FANCG: variants seen among roughly 807,000 people sequenced by gnomAD.
FANCG encodes Fanconi anemia group G protein.
FANCG carries 67 observed loss-of-function variants against 73.3 expected under a neutral mutation model. That is an observed-to-expected ratio of 0.91 (90% confidence interval 0.75 to 1.12). FANCG has a LOEUF of 1.12. Ranked by LOEUF, FANCG falls within the 50% of genes most tolerant of loss-of-function variation. The pLI, the probability that FANCG is intolerant of heterozygous loss-of-function variation, is 0.00. For missense variants in FANCG, 643 were observed against 735.6 expected (o/e 0.87, Z 1.46); for synonymous variants, 297 against 311.6 (o/e 0.95, Z 0.49).
Position 35,075,611 on chromosome 9 carries a change from G to A in FANCG, c.1287C>T (p.Pro429=), listed in dbSNP as rs767253119. ...ELLSRTSSLL[P]KMSRLWEDAR... is the part of the protein sequence containing the mutation. ...CATCTTCCCACAGCCGGGACATCTT[G>A]GGTAGCAGAGATGATGTGCGGCTGA... The change falls in exon 10 of 14, where the codon CCC becomes CCT. Residue 429 remains proline, a synonymous_variant. Transcript: ENST00000378643. The A allele has an allele frequency of 1.2e-5, 19 of 1,613,946 alleles. No individual in the cohort carries two copies. Among genetic ancestry groups the A allele is most frequent in the Middle Eastern group, 1.6e-4 (1 of 6,084 alleles).
intron 1 of FANCG, 40 bp downstream of exon 1, chr9:35,079,401 T>A: frequency 6.2e-7 from 1 of 1,611,330 alleles, no homozygotes; most frequent in Non-Finnish European, 8.5e-7. Flanking sequence ...CTTTCAGGGA[T>A]CTTGAGGCTG....
rs1829097759 is a variant in FANCG at position 35,077,012 on chromosome 9, C to T, written c.736G>A (p.Val246Ile). ...GACCCCAGTGCTGTGTACACCTGGACCAACACAGGCCGTGGACACAGGCCT... is the reference window on the plus strand; with the variant it reads ...GACCCCAGTGCTGTGTACACCTGGATCAACACAGGCCGTGGACACAGGCCT... ...ASGLCPRPVL[V>I]QVYTALGSCH... The change falls in exon 6 of 14, where the codon GTC becomes ATC. Residue 246 changes from valine (V) to isoleucine (I), a missense_variant. Val to Ile is a conservative substitution (Grantham distance 29). Transcript: ENST00000378643. 1.2e-6 allele frequency: 2 copies of T among 1,614,126 alleles called. No homozygotes were observed. Among genetic ancestry groups the T allele is most frequent in the Admixed American group, 1.7e-5 (1 of 60,012 alleles).
intron 11 of FANCG, 90 bp downstream of exon 11, chr9:35,075,189 T>C: frequency 6.2e-7 from 1 of 1,603,428 alleles, no homozygotes; most frequent in East Asian, 2.2e-5. Context: ...TTCTCTTAAG[T>C]CTCCTGGTGG....
chr9:35,075,358 A>T (rs1829062571), intron 10 of FANCG, 33 bp from the exon 11 acceptor site: 10 of 1,613,858 alleles, frequency 6.2e-6, no homozygotes, highest in African/African-American at 1.3e-5. Flanking sequence ...GGTGAAGAGG[A>T]ATCAATTTCA....
In FANCG at chr9:35,074,141, A is replaced by G. The variant is rs1419809519; in HGVS notation, c.1836T>C (p.Phe612=). The change falls in exon 14 of 14, where the codon TTT becomes TTC. Residue 612 remains phenylalanine, a synonymous_variant. Transcript: ENST00000378643. The part of the protein sequence containing the change: ...PSDRDAFLEE[F]RTSLPKSCDL ...CACAAGACTTTGGCAGAGATGTCCG[A>G]AATTCTTCAAGGAAGGCGTCACGAT... The G allele has an allele frequency of 6.2e-7, 1 of 1,614,214 alleles. No homozygotes were observed.
In FANCG at chr9:35,079,634, C is replaced by A. The variant is rs1475027665; in HGVS notation, c.-110G>T. ...GGGGCCTGGGCACTTCTGCACCCCG[C>A]CGAGCTCCCCTGCTTCTCTCGGGGT... is the stretch of plus-strand genomic sequence containing the variant. On this transcript the variant is annotated 5_prime_UTR_variant, in exon 1 of 14. Coordinates refer to ENST00000378643, the MANE Select transcript of FANCG (RefSeq NM_004629.2). The A allele has an allele frequency of 9.5e-7, 1 of 1,051,664 alleles. No homozygotes were observed. The highest frequency in any genetic ancestry group is 1.5e-6 in the Non-Finnish European group (1 of 682,974). 65.1% of individuals were successfully genotyped at this position (1,051,664 alleles called of 1,614,324 possible). A position where few individuals can be genotyped will look rare whatever the true frequency, so the allele number is the denominator to read the frequency against.
intron 3 of FANCG, 94 bp downstream of exon 3, chr9:35,078,511 G>A (rs1234869423): frequency 1.9e-6 from 3 of 1,585,172 alleles, no homozygotes; most frequent in East Asian, 4.5e-5. Flanking sequence ...TCTCCATGGA[G>A]GTGACAGATG....
Position 35,076,563 on chromosome 9 carries a change from A to G in FANCG, c.945T>C (p.Ser315=). Residue 315 remains serine (S), a synonymous_variant, in exon 8 of 14, where the codon AGT becomes AGC. Transcript: ENST00000378643. The part of the protein sequence containing the change: ...LLVEALNVPC[S]SKAPQFLIEV... Reference sequence around the variant, plus strand: ...CAATGAGAAACTGCGGGGCTTTGGAACTGCATGGGACATTCAAGGCCTAAA... The same window carrying G: ...CAATGAGAAACTGCGGGGCTTTGGAGCTGCATGGGACATTCAAGGCCTAAA... The G allele has an allele frequency of 6.2e-7, 1 of 1,614,130 alleles. No homozygotes were observed. The highest frequency in any genetic ancestry group is 8.5e-7 in the Non-Finnish European group (1 of 1,180,016).
chr9:35,077,167 G>T, intron 5 of FANCG, 66 bp from the exon 6 acceptor site: 1 of 1,613,860 alleles, frequency 6.2e-7, no homozygotes, highest in Non-Finnish European at 8.5e-7. Context: ...GGGAACAAGG[G>T]TCTAAGAAGC....
rs772883935 is a variant in FANCG at position 35,075,492 on chromosome 9, T to G, written c.1406A>C (p.Gln469Pro). Residue 469 changes from glutamine to proline, a missense_variant, in exon 10 of 14, where the codon CAA (glutamine) becomes CCA (proline). Gln to Pro is a moderately conservative substitution (Grantham distance 76). Coordinates refer to ENST00000378643, the MANE Select transcript of FANCG (RefSeq NM_004629.2). ...QGQAWVQLGA[Q>P]KVAISEFSRC... Reference sequence around the variant, plus strand: ...GCTAAATTCACTAATTGCCACTTTTTGGGCACCCAGTTGAACCCAGGCCTG... The same window carrying G: ...GCTAAATTCACTAATTGCCACTTTTGGGGCACCCAGTTGAACCCAGGCCTG... 29 of 1,613,974 alleles carry G rather than the reference T, an allele frequency of 1.8e-5. No individual in the cohort carries two copies. Among genetic ancestry groups the G allele is most frequent in the Non-Finnish European group, 1.3e-5 (15 of 1,180,022 alleles).
In FANCG at chr9:35,078,179, C is replaced by T. The variant is rs780870238; in HGVS notation, c.472G>A (p.Asp158Asn). ...ALWLSADRLG[D>N]LALLLETLNG... ...AGGGTCTCTAGTAACAAGGCCAGGT[C>T]CCCAAGACGGTCAGCACTCAACCAG... Residue 158 changes from aspartate (D) to asparagine (N), a missense_variant, in exon 4 of 14, where the codon GAC becomes AAC. By Grantham distance (23) the Asp-to-Asn change is conservative. Transcript: ENST00000378643. 2 of 1,614,166 alleles carry T rather than the reference C, an allele frequency of 1.2e-6. No homozygotes were observed. Among genetic ancestry groups the T allele is most frequent in the Admixed American group, 1.7e-5 (1 of 60,024 alleles).
Position 35,075,689 on chromosome 9 carries a change from T to C in FANCG, c.1209A>G (p.Ala403=). 2 of 1,496,496 alleles carry C rather than the reference T, an allele frequency of 1.3e-6. No homozygotes were observed. The highest frequency in any genetic ancestry group is 2.2e-5 in the South Asian group (2 of 89,546). 92.7% of individuals were successfully genotyped at this position (1,496,496 alleles called of 1,614,324 possible). A position where few individuals can be genotyped will look rare whatever the true frequency, so the allele number is the denominator to read the frequency against. ...MPEVFLEAAV[A]LIQAGRAQDA... is the part of the protein sequence containing the mutation. Reference sequence around the variant, plus strand: ...CTTGGGCTCTGCCTGCCTGGATCAGTGCTACCGCTGCCTCCAAAAACACCT... The same window carrying C: ...CTTGGGCTCTGCCTGCCTGGATCAGCGCTACCGCTGCCTCCAAAAACACCT... Residue 403 remains alanine (A), a synonymous_variant, in exon 10 of 14, where the codon GCA becomes GCG. Transcript: ENST00000378643.
Position 35,077,093 on chromosome 9 carries a change from C to G in FANCG, c.655G>C (p.Glu219Gln), listed in dbSNP as rs1829099392. Residue 219 changes from glutamate (E) to glutamine (Q), a missense_variant, in exon 6 of 14, where the codon GAG becomes CAG. By Grantham distance (29) the Glu-to-Gln change is conservative (BLOSUM62 2). Transcript: ENST00000378643. ...TAFAYRQGLQELITGNPDKAL... is the reference protein window; with the variant it reads ...TAFAYRQGLQQLITGNPDKAL... ...TTGTCTGGGTTCCCTGTGATCAGCT[C>G]CTGGAGACCTGAGGACAGTCAGGGT... 1 of 1,614,038 alleles carries G rather than the reference C, an allele frequency of 6.2e-7. No individual in the cohort carries two copies. The highest frequency in any genetic ancestry group is 8.5e-7 in the Non-Finnish European group (1 of 1,180,036).
At chr9:35,077,440 C>G in intron 4 of FANCG, 41 bp from the exon 5 acceptor site, 1 of 1,613,526 alleles carries the variant, frequency 6.2e-7, no homozygotes, top group South Asian at 1.1e-5. Flanking sequence ...AGCCTACAAC[C>G]TCCTCGTCTT....
rs1298196175 is a variant in FANCG at position 35,078,588 on chromosome 9, C to A, written c.307+17G>T. The A allele has an allele frequency of 1.2e-6, 2 of 1,614,176 alleles. No homozygotes were observed. Among genetic ancestry groups the A allele is most frequent in the Non-Finnish European group, 1.7e-6 (2 of 1,180,040 alleles). On this transcript the variant is annotated intron_variant, in intron 3 of 13. Coordinates refer to ENST00000378643, the MANE Select transcript of FANCG (RefSeq NM_004629.2). ...CTGAAGATGGCAGGGGAATCAGGGA[C>A]AATCTCTGGCCCTCACCTCTCTCTA...
Position 35,076,858 on chromosome 9 carries a change from T to C in FANCG, c.790A>G (p.Arg264Gly). Residue 264 changes from arginine (R) to glycine (G), a missense_variant, in exon 7 of 14, where the codon AGA (arginine) becomes GGA (glycine). Coordinates refer to ENST00000378643, the MANE Select transcript of FANCG (RefSeq NM_004629.2). ...GCTGCAACCAAGTACAACAGTGCTC[T>C]CTGTGGATTTCCCTAAAGGGATAGG... is the stretch of plus-strand genomic sequence containing the variant. ...SCHRKMGNPQ[R>G]ALLYLVAALK... The C allele has an allele frequency of 1.2e-6, 2 of 1,614,222 alleles. No homozygotes were observed. The highest frequency in any genetic ancestry group is 1.7e-6 in the Non-Finnish European group (2 of 1,180,040).
rs757780161 is a variant in FANCG, at chr9:35,076,384, G to A, written c.1076+48C>T. 2.8e-5 allele frequency: 45 copies of A among 1,607,274 alleles called. No individual in the cohort carries two copies. In the East Asian group the frequency reaches 5.1e-4, roughly 18 times the overall value. ...AAAAGCAGAGTCACACCCCAGGGGA[G>A]GCATCAGAAGTGGGAAGAGAAGCTC... On this transcript the variant is annotated intron_variant, in intron 8 of 13. Transcript: ENST00000378643.
rs775732896 is a variant in FANCG at position 35,074,877 on chromosome 9, C to T, written c.1636+50G>A. 4 of 1,610,580 alleles carry T rather than the reference C, an allele frequency of 2.5e-6. No homozygotes were observed. The African/African-American group carries it at 5.3e-5, about 22-fold the overall frequency. Reference sequence around the variant, plus strand: ...ACGCCCAAGTATTTCCCATGGGCCTCTCTGTCCTTGCACATCTATGCATAG... The same window carrying T: ...ACGCCCAAGTATTTCCCATGGGCCTTTCTGTCCTTGCACATCTATGCATAG... On this transcript the variant is annotated intron_variant, in intron 12 of 13. Transcript: ENST00000378643.
At chr9:35,079,286 T>G (rs1348756457) in intron 1 of FANCG, 45 bp from the exon 2 acceptor site, 22 of 1,579,258 alleles carry the variant, frequency 1.4e-5, no homozygotes, top group Non-Finnish European at 1.9e-5. Flanking sequence ...AATCCTTTTT[T>G]CTCCCCTTGC....
Sources: gnomAD v4.1 joint callset for allele counts on GRCh38, gnomAD v4.1.1 for gene constraint, MANE v1.5 for transcripts, NCBI Gene and HGNC (gene_info 2026-07-23, HGNC 2026-07-21) for gene names.